The following NTM variants were observed in gnomAD, a reference collection of about 807,000 sequenced individuals.
NTM encodes neurotrimin.
Under a neutral mutation model 42.1 loss-of-function variants are expected in NTM, and 13 were observed. The observed-to-expected ratio is 0.31, with a 90% CI of 0.20 to 0.49. The LOEUF (loss-of-function observed/expected upper bound fraction) is 0.49. NTM is among the 20% of genes least tolerant of loss of function. NTM has a pLI of 0.99. For synonymous variants in NTM, 187 were observed against 179.2 expected (o/e 1.04, Z -0.35); for missense variants, 373 against 452.8 (o/e 0.82, Z 1.60).
chr11:131,626,986 C>T (rs2063166910), intron 1 of NTM, among the ~76,000 whole-genome samples: 1 of 152,202 alleles, frequency 6.6e-6, no homozygotes, highest in South Asian at 2.1e-4. Context: ...CTTTCACCCG[C>T]TGTAGGGTAA....
intron 1 of NTM, among the ~76,000 whole-genome samples, chr11:131,405,291 T>C (rs1204678491): frequency 6.6e-6 from 1 of 152,194 alleles, no homozygotes; most frequent in Non-Finnish European, 1.5e-5. Flanking sequence ...ACCTTCCCCA[T>C]GAACTTCATT....
At chr11:132,246,757 G>A (rs1213413935) in intron 4 of NTM, among the ~76,000 whole-genome samples, 1 of 152,156 alleles carries the variant, frequency 6.6e-6, no homozygotes, top group South Asian at 2.1e-4. Context: ...GGCATCGTCT[G>A]TTTCGTATGT....
intron 1 of NTM, among the ~76,000 whole-genome samples, chr11:131,574,809 G>C (rs894407993): frequency 6.6e-6 from 1 of 152,090 alleles, no homozygotes; most frequent in African/African-American, 2.4e-5. Context: ...CAGCCTCAAA[G>C]TCCCTTGGCA....
chr11:132,141,422 G>A (rs2069128353), intron 2 of NTM, among the ~76,000 whole-genome samples: 1 of 152,182 alleles, frequency 6.6e-6, no homozygotes, highest in African/African-American at 2.4e-5. Context: ...TGTAAATGCA[G>A]CATGTGTAAT....
intron 3 of NTM, among the ~76,000 whole-genome samples, chr11:132,185,977 A>G (rs1422852711): frequency 7.2e-5 from 11 of 152,218 alleles, no homozygotes; most frequent in Admixed American, 7.2e-4. Context: ...GCCCTTGCCT[A>G]TTCATCGCTT....
intron 1 of NTM, among the ~76,000 whole-genome samples, chr11:131,626,059 C>T (rs2063073362): frequency 2.6e-5 from 4 of 151,758 alleles, no homozygotes. Flanking sequence ...AATATATGCC[C>T]TTATTTTTAT....
At chr11:131,540,574 G>C (rs1456710509) in intron 1 of NTM, 2 of 152,230 alleles carry the variant, frequency 1.3e-5, no homozygotes, top group Non-Finnish European at 2.9e-5. Flanking sequence ...GGAGAGGGTA[G>C]TAGGTCAATT....
At chr11:131,483,615 G>A (rs1264170254) in intron 1 of NTM, among the ~76,000 whole-genome samples, 3 of 152,228 alleles carry the variant, frequency 2.0e-5, no homozygotes, top group Admixed American at 1.3e-4. Flanking sequence ...CCCTTGCCAG[G>A]CTCATCTGGA....
At chr11:131,933,627 T>A (rs2058877515) in intron 2 of NTM, among the ~76,000 whole-genome samples, 1 of 151,970 alleles carries the variant, frequency 6.6e-6, no homozygotes, top group African/African-American at 2.4e-5. Flanking sequence ...AATCACAAAG[T>A]TTTATTAAGT....
chr11:132,218,145 A>T (rs961306901), intron 4 of NTM, among the ~76,000 whole-genome samples: 6 of 152,142 alleles, frequency 3.9e-5, no homozygotes, highest in African/African-American at 1.4e-4. Flanking sequence ...TGGCGCTGAG[A>T]TCATTAGAAT....
chr11:132,260,266 T>TG (rs1185417353), intron 4 of NTM, among the ~76,000 whole-genome samples: 1 of 151,852 alleles, frequency 6.6e-6, no homozygotes, highest in Admixed American at 6.6e-5. Context: ...CTTTTTTTTT[T>TG]TAAAGATAAG....
intron 1 of NTM, among the ~76,000 whole-genome samples, chr11:131,893,172 G>C (rs1565688923): frequency 6.6e-6 from 1 of 152,210 alleles, no homozygotes; most frequent in Non-Finnish European, 1.5e-5. Flanking sequence ...ATGTGCACTA[G>C]TGTATCAATT....
At chr11:131,611,075 G>T (rs2137535538) in intron 1 of NTM, among the ~76,000 whole-genome samples, 1 of 152,238 alleles carries the variant, frequency 6.6e-6, no homozygotes, top group South Asian at 2.1e-4. Flanking sequence ...AAGAGGCGTG[G>T]AGGAGGGAAG....
chr11:131,467,268 G>A (rs1251359414), intron 1 of NTM, among the ~76,000 whole-genome samples: 1 of 152,186 alleles, frequency 6.6e-6, no homozygotes, highest in African/African-American at 2.4e-5. Context: ...GTAACTCAGA[G>A]AAGCCCTTGC....
chr11:131,955,830 C>G (rs1286245454), intron 2 of NTM, among the ~76,000 whole-genome samples: 1 of 152,138 alleles, frequency 6.6e-6, no homozygotes, highest in African/African-American at 2.4e-5. Context: ...ATATAATGTC[C>G]GCGCTTTGAC....
rs975953159 is a variant in NTM at position 131,875,616 on chromosome 11, T to A, written c.83-35948T>A. 2.0e-5 allele frequency among the ~76,000 whole-genome samples: 3 copies of A among 152,240 alleles called. No homozygotes were observed. In the East Asian group the frequency reaches 5.8e-4, roughly 29 times the overall value. ...CCTTTTGTAGCATTGTGAAATGTCA[T>A]GGATTTTAAGTCACAAGAAAGCAAA... On this transcript the variant is annotated intron_variant, in intron 1 of 8. Coordinates refer to ENST00000683400, the MANE Select transcript of NTM (RefSeq NM_001352005.2).
chr11:131,522,476 C>A (rs1298715665), intron 1 of NTM, among the ~76,000 whole-genome samples: 1 of 152,084 alleles, frequency 6.6e-6, no homozygotes, highest in Non-Finnish European at 1.5e-5. Flanking sequence ...AACCACTGAG[C>A]AATTCACAGT....
chr11:132,323,659 C>A lies in NTM; in HGVS notation c.935-6494C>A, dbSNP rs965325699. 1.0e-3 allele frequency among the ~76,000 whole-genome samples: 155 copies of A among 152,264 alleles called. 1 individual carries two copies. The highest frequency in any genetic ancestry group is 1.5e-3 in the Non-Finnish European group (100 of 68,036). ...CTAATCAATAGAAAAAGAGGGAATCCTCCCTAACTCATTTTATGAGTCCAG... is the reference window on the plus strand; with the variant it reads ...CTAATCAATAGAAAAAGAGGGAATCATCCCTAACTCATTTTATGAGTCCAG... On this transcript the variant is annotated intron_variant, in intron 7 of 8. Coordinates refer to ENST00000683400, the MANE Select transcript of NTM (RefSeq NM_001352005.2).
intron 1 of NTM, among the ~76,000 whole-genome samples, chr11:131,415,822 T>C (rs1165430915): frequency 6.6e-6 from 1 of 152,244 alleles, no homozygotes; most frequent in Non-Finnish European, 1.5e-5. Flanking sequence ...TTTATAATTT[T>C]CTTAGTGGTA....
Sources: allele counts gnomAD v4.1 joint callset (sites outside exome capture counted in the v4.1 genomes callset), GRCh38; gene constraint gnomAD v4.1.1; transcripts MANE v1.5; gene names NCBI Gene and HGNC (gene_info 2026-07-23, HGNC 2026-07-21).